Variants in ADARB2 observed in about 807,000 individuals in gnomAD.
The protein encoded by ADARB2 is inactive double-stranded RNA-specific editase B2.
In ADARB2, 25 loss-of-function variants were observed where a neutral mutation model predicts 62.2. That is an observed-to-expected ratio of 0.40 (90% confidence interval 0.29 to 0.56). ADARB2 has a LOEUF of 0.56. Ranked by LOEUF, ADARB2 falls within the 20% of genes least tolerant of loss-of-function variation. The pLI is 0.43. For missense variants in ADARB2, 1,071 were observed against 1,077.4 expected (o/e 0.99, Z 0.08); for synonymous variants, 572 against 500.8 (o/e 1.14, Z -1.90).
chr10:1,448,796 AC>A (rs1271943829), intron 1 of ADARB2, among the ~76,000 whole-genome samples: 2 of 152,086 alleles, frequency 1.3e-5, no homozygotes, highest in African/African-American at 2.4e-5. Flanking sequence ...TCGACCTAGC[AC>A]TGCTGGACTG....
chr10:1,544,185 A>G (rs1026891640), intron 1 of ADARB2, among the ~76,000 whole-genome samples: 1 of 152,158 alleles, frequency 6.6e-6, no homozygotes, highest in Non-Finnish European at 1.5e-5. Context: ...GAATATTGAA[A>G]GCAACGCCAG....
At chr10:1,463,432 G>A (rs190350484) in intron 1 of ADARB2, among the ~76,000 whole-genome samples, 50 of 152,284 alleles carry the variant, frequency 3.3e-4, no homozygotes, top group East Asian at 1.7e-3. Context: ...ATGCAGACAC[G>A]GGTAGAAGAG....
intron 7 of ADARB2, among the ~76,000 whole-genome samples, chr10:1,206,189 T>C (rs1837062968): frequency 6.6e-6 from 1 of 152,194 alleles, no homozygotes; most frequent in Non-Finnish European, 1.5e-5. Flanking sequence ...GCTGGTAAAA[T>C]GTAAAATTCC....
In ADARB2 at chr10:1,233,798, T is replaced by C. The variant is rs1385828305; in HGVS notation, c.1409A>G (p.Glu470Gly). The stretch of plus-strand genomic sequence containing the variant: ...GTTCTCTCGCAGCCGGTAGCCACCT[T>C]CTTTTAACCGCACGAATATCGATCG... Reference protein sequence around the residue: ...SERSIFVRLKEGGYRLRENIL... With the variant: ...SERSIFVRLKGGGYRLRENIL... Residue 470 changes from glutamate (E) to glycine (G), a missense_variant, in exon 6 of 10, where the codon GAA becomes GGA. By Grantham distance (98) the Glu-to-Gly change is moderately conservative. Transcript: ENST00000381312. The C allele has an allele frequency of 6.2e-7, 1 of 1,613,864 alleles. No homozygotes were observed. The highest frequency in any genetic ancestry group is 1.7e-5 in the Admixed American group (1 of 59,978).
chr10:1,515,727 T>G (rs781107217), intron 1 of ADARB2, among the ~76,000 whole-genome samples: 64 of 152,102 alleles, frequency 4.2e-4, no homozygotes, highest in Non-Finnish European at 6.9e-4. Flanking sequence ...AAAAAGTAAC[T>G]TCAGATCCCA....
intron 3 of ADARB2, among the ~76,000 whole-genome samples, chr10:1,333,133 G>A (rs1831944518): frequency 6.6e-6 from 1 of 152,238 alleles, no homozygotes. Context: ...CAATTGCCAA[G>A]ATCATTTCAT....
At chr10:1,624,881 A>G (rs1437763343) in intron 1 of ADARB2, among the ~76,000 whole-genome samples, 5 of 152,248 alleles carry the variant, frequency 3.3e-5, no homozygotes, top group Non-Finnish European at 7.3e-5. Context: ...TTGGAATTAA[A>G]AAAAACTAAA....
chr10:1,482,884 C>T (rs967788103), intron 1 of ADARB2, among the ~76,000 whole-genome samples: 10 of 152,300 alleles, frequency 6.6e-5, no homozygotes, highest in African/African-American at 1.7e-4. Context: ...GTTCACAAAA[C>T]TGTGAAGCTG....
intron 1 of ADARB2, among the ~76,000 whole-genome samples, chr10:1,733,591 T>C (rs1835261101): frequency 6.6e-6 from 1 of 152,224 alleles, no homozygotes; most frequent in Non-Finnish European, 1.5e-5. Flanking sequence ...CTCTACTGTT[T>C]TGTTGAGTTC....
At chr10:1,497,547 T>G (rs1831709148) in intron 1 of ADARB2, among the ~76,000 whole-genome samples, 1 of 152,230 alleles carries the variant, frequency 6.6e-6, no homozygotes, top group Non-Finnish European at 1.5e-5. Flanking sequence ...AAACACTTAT[T>G]GTTCTCCTTT....
At chr10:1,325,205 G>A (rs576468188) in intron 3 of ADARB2, among the ~76,000 whole-genome samples, 2 of 152,152 alleles carry the variant, frequency 1.3e-5, no homozygotes, top group Admixed American at 6.5e-5. Context: ...ATGAACCTCC[G>A]TGGACACAGA....
At chr10:1,690,899 G>A (rs982235900) in intron 1 of ADARB2, among the ~76,000 whole-genome samples, 17 of 152,140 alleles carry the variant, frequency 1.1e-4, no homozygotes, top group African/African-American at 3.4e-4. Flanking sequence ...TCATCAAAAC[G>A]CGCATCTATC....
chr10:1,581,440 G>T (rs1295680198), intron 1 of ADARB2, among the ~76,000 whole-genome samples: 2 of 152,210 alleles, frequency 1.3e-5, no homozygotes, highest in Non-Finnish European at 2.9e-5. Context: ...AGAGCAGGAG[G>T]CGCAACAGTG....
chr10:1,213,179 GGACAGAGATAAAAAGACAAAGAGA>G (rs1208421942), intron 7 of ADARB2, among the ~76,000 whole-genome samples: 1 of 151,812 alleles, frequency 6.6e-6, no homozygotes, highest in Non-Finnish European at 1.5e-5. Flanking sequence ...AAGCAGACAA[GGACAGAGATAAAAAGACAAAGAGA>G]GACAGAGATG....
At chr10:1,692,572 G>C (rs113650862) in intron 1 of ADARB2, among the ~76,000 whole-genome samples, 1 of 152,296 alleles carries the variant, frequency 6.6e-6, no homozygotes, top group Admixed American at 6.5e-5. Flanking sequence ...TCCTCATTCA[G>C]TAGTGACAGC....
At chr10:1,253,469 A>G (rs1831053063) in intron 4 of ADARB2, among the ~76,000 whole-genome samples, 1 of 152,180 alleles carries the variant, frequency 6.6e-6, no homozygotes, top group African/African-American at 2.4e-5. Context: ...CAGGATGAGC[A>G]CTCGCTTGCT....
chr10:1,526,987 CA>C, intron 1 of ADARB2: 1 of 303,620 alleles, frequency 3.3e-6, no homozygotes, highest in Non-Finnish European at 7.1e-6. Flanking sequence ...TATTTGTGCA[CA>C]GCTCTGACTT....
intron 1 of ADARB2, among the ~76,000 whole-genome samples, chr10:1,710,968 C>G (rs1357446642): frequency 6.6e-6 from 1 of 152,068 alleles, no homozygotes; most frequent in Non-Finnish European, 1.5e-5. Context: ...TTGGCCCAAC[C>G]CCCTGTGCTC....
At chr10:1,552,459 G>C in intron 1 of ADARB2, among the ~76,000 whole-genome samples, 1 of 152,226 alleles carries the variant, frequency 6.6e-6, no homozygotes, top group Non-Finnish European at 1.5e-5. Flanking sequence ...AGCAGGATCT[G>C]TGTGTTCACC....
Sources: allele counts gnomAD v4.1 joint callset (sites outside exome capture counted in the v4.1 genomes callset), GRCh38; gene constraint gnomAD v4.1.1; transcripts MANE v1.5; gene names NCBI Gene and HGNC (gene_info 2026-07-23, HGNC 2026-07-21).